Variants in REV3L observed in about 807,000 individuals in gnomAD.
REV3L encodes the protein REV3 like, DNA directed polymerase zeta catalytic subunit, also known as DNA polymerase zeta catalytic subunit.
In REV3L, 69 loss-of-function variants were observed where a neutral mutation model predicts 299.4. The observed-to-expected ratio is 0.23, with a 90% CI of 0.19 to 0.28. The LOEUF (loss-of-function observed/expected upper bound fraction) is 0.28. Ranked by LOEUF, REV3L falls within the 10% of genes least tolerant of loss-of-function variation. The probability of loss-of-function intolerance (pLI) is 1.00; values close to 1 mark genes in which losing one functional copy is unlikely to be tolerated. For synonymous variants in REV3L, 1,238 were observed against 1,271.4 expected, an observed-to-expected ratio of 0.97 and a Z score of 0.56; for missense variants, 3,128 against 3,693.8, an observed-to-expected ratio of 0.85 and a Z score of 3.97.
Position 111,372,861 on chromosome 6 carries a change from C to T in REV3L, c.5494G>A (p.Val1832Met), listed in dbSNP as rs768017978. The change falls in exon 13 of 32, where the codon GTG becomes ATG. Residue 1832 changes from valine (V) to methionine (M), a missense_variant. Physicochemically the swap from Val to Met is conservative, Grantham distance 21 (BLOSUM62 1). Coordinates refer to ENST00000368802, the MANE Select transcript of REV3L (RefSeq NM_001372078.1). ...LSSPDGELVDVACEDLELYVS... is the reference protein window; with the variant it reads ...LSSPDGELVDMACEDLELYVS... ...TACAGTTCTAAATCTTCACAGGCCACGTCTACAAGTTCACCATCAGGGGAG... is the reference window on the plus strand; with the variant it reads ...TACAGTTCTAAATCTTCACAGGCCATGTCTACAAGTTCACCATCAGGGGAG... 7 of 1,614,088 alleles carry T rather than the reference C, an allele frequency of 4.3e-6. No individual in the cohort carries two copies. In the Admixed American group the frequency reaches 5.0e-5, roughly 12 times the overall value.
At position 111,377,744 on chromosome 6, in the gene REV3L, A is replaced by G; in HGVS notation, c.1554T>C (p.Ser518=). Residue 518 remains serine, a synonymous_variant, in exon 12 of 32, where the codon AGT becomes AGC. Coordinates refer to ENST00000368802, the MANE Select transcript of REV3L (RefSeq NM_001372078.1). The stretch of plus-strand genomic sequence containing the variant: ...TTCCATCTAACTGAGGTATAGAAAG[A>G]CTGGCTAGAAGCAAACTGTTATCAC... The part of the protein sequence containing the change: ...EWSDNSLLLA[S]LSIPQLDGTA... 2 of 1,613,954 alleles carry G rather than the reference A, an allele frequency of 1.2e-6. No homozygotes were observed. The highest frequency in any genetic ancestry group is 3.3e-5 in the Admixed American group (2 of 59,990).
At chr6:111,389,473 T>A (rs575644512) in intron 6 of REV3L, among the ~76,000 whole-genome samples, 1 of 152,136 alleles carries the variant, frequency 6.6e-6, no homozygotes, top group South Asian at 2.1e-4. Flanking sequence ...TGCTGATATA[T>A]AATATGAAAA....
At chr6:111,406,352 G>T (rs1186395448) in intron 3 of REV3L, among the ~76,000 whole-genome samples, 1 of 152,192 alleles carries the variant, frequency 6.6e-6, no homozygotes, top group Non-Finnish European at 1.5e-5. Context: ...CAGAGGCAGG[G>T]ATAGAGAAGT....
intron 1 of REV3L, among the ~76,000 whole-genome samples, chr6:111,466,036 T>C (rs1791472348): frequency 6.6e-6 from 1 of 152,184 alleles, no homozygotes. Context: ...AGCTCGAAAC[T>C]TAGCATTTAG....
Position 111,333,227 on chromosome 6 carries a change from G to C in REV3L, c.7821C>G (p.Ser2607Arg), listed in dbSNP as rs780330044. The C allele has an allele frequency of 6.2e-7, 1 of 1,614,046 alleles. No individual in the cohort carries two copies. The highest frequency in any genetic ancestry group is 8.5e-7 in the Non-Finnish European group (1 of 1,180,034). Residue 2607 changes from serine (S) to arginine (R), a missense_variant, in exon 23 of 32, where the codon AGC (serine) becomes AGG (arginine). By Grantham distance (110) the Ser-to-Arg change is moderately radical. Transcript: ENST00000368802. ...LIMEPESRFY[S>R]NSVLVLDFQS... ...GGAAATCCAAAACGAGAACAGAGTT[G>C]CTATAGAAGCGGGATTCAGGCTCCA... is the stretch of plus-strand genomic sequence containing the variant.
upstream of REV3L, chr6:111,483,349 G>A (rs1794013137): frequency 1.4e-5 from 7 of 482,942 alleles, no homozygotes; most frequent in South Asian, 2.1e-4. Context: ...CGGAGGGCGG[G>A]GGCCGAGAAG....
intron 17 of REV3L, among the ~76,000 whole-genome samples, 192 bp from the exon 18 acceptor site, chr6:111,357,317 T>C (rs1002113361): frequency 6.6e-6 from 1 of 152,164 alleles, no homozygotes; most frequent in Non-Finnish European, 1.5e-5. Flanking sequence ...GATTTTTTAG[T>C]TTAATATACA....
At chr6:111,481,427 T>A (rs1185322441) in intron 1 of REV3L, among the ~76,000 whole-genome samples, 1 of 152,212 alleles carries the variant, frequency 6.6e-6, no homozygotes, top group Non-Finnish European at 1.5e-5. Flanking sequence ...AAATTCCCCA[T>A]CTTTCAAGGT....
At chr6:111,361,647 G>T (rs960938367) in intron 16 of REV3L, 4 of 151,998 alleles carry the variant, frequency 2.6e-5, no homozygotes, top group African/African-American at 9.7e-5. Context: ...GAGAGATTTA[G>T]TGAGTGTGAC....
Position 111,376,514 on chromosome 6 carries a change from A to T in REV3L, c.1841T>A (p.Val614Asp). The T allele has an allele frequency of 6.2e-7, 1 of 1,613,024 alleles. No individual in the cohort carries two copies. The change falls in exon 13 of 32, where the codon GTC (valine) becomes GAC (aspartate). Residue 614 changes from valine (V) to aspartate (D), a missense_variant. Physicochemically the swap from Val to Asp is radical, Grantham distance 152. This residue lies in a region of REV3L where 2,409 missense variants were observed against 2,611.8 expected (regional missense o/e 0.92). Coordinates refer to ENST00000368802, the MANE Select transcript of REV3L (RefSeq NM_001372078.1). ...KNTEKGLDNS[V>D]TSFTNESTYS... is the part of the protein sequence containing the mutation. ...AGTGCTTTCGTTTGTAAAAGAAGTG[A>T]CTGAGTTATCTAGACCTTTTTCTGT...
intron 10 of REV3L, among the ~76,000 whole-genome samples, chr6:111,380,962 G>A (rs779987773): frequency 2.1e-4 from 32 of 152,186 alleles, no homozygotes; most frequent in Non-Finnish European, 3.7e-4. Flanking sequence ...AGCCACCCGT[G>A]TTTCCTCCGG....
intron 16 of REV3L, among the ~76,000 whole-genome samples, chr6:111,363,021 T>C (rs550939057): frequency 6.6e-6 from 1 of 152,356 alleles, no homozygotes; most frequent in Admixed American, 6.5e-5. Flanking sequence ...TGAGTTTGTT[T>C]TCTGCATACA....
At chr6:111,357,428 C>T (rs559511604) in intron 17 of REV3L, among the ~76,000 whole-genome samples, 1 of 152,290 alleles carries the variant, frequency 6.6e-6, no homozygotes, top group East Asian at 1.9e-4. Flanking sequence ...TGCAGTGGCT[C>T]ACGCCTGTAA....
At chr6:111,464,022 T>A (rs1290215703) in intron 1 of REV3L, among the ~76,000 whole-genome samples, 1 of 152,044 alleles carries the variant, frequency 6.6e-6, no homozygotes, top group Non-Finnish European at 1.5e-5. Context: ...TTAGCTCCCA[T>A]CACTGATTAA....
intron 20 of REV3L, among the ~76,000 whole-genome samples, chr6:111,347,595 A>AATT (rs1582623634): frequency 1.3e-5 from 2 of 152,198 alleles, no homozygotes; most frequent in East Asian, 3.8e-4. Flanking sequence ...GCAATTGAAG[A>AATT]ATTAGCTTTC....
intron 11 of REV3L, 125 bp downstream of exon 11, chr6:111,379,857 A>T (rs971945264): frequency 2.2e-5 from 15 of 693,612 alleles, no homozygotes; most frequent in South Asian, 1.4e-4. Context: ...ACTAAAGGGG[A>T]ATTTTAAAAC....
At chr6:111,317,726 A>T (rs530017064) in intron 26 of REV3L, among the ~76,000 whole-genome samples, 1 of 152,334 alleles carries the variant, frequency 6.6e-6, no homozygotes, top group African/African-American at 2.4e-5. Flanking sequence ...GCAACTCTGG[A>T]GGCTGAAGTG....
At chr6:111,340,643 G>T (rs2114883874) in intron 21 of REV3L, among the ~76,000 whole-genome samples, 1 of 151,854 alleles carries the variant, frequency 6.6e-6, no homozygotes, top group East Asian at 1.9e-4. Flanking sequence ...AAATCAAAAG[G>T]GGTTACCATA....
chr6:111,300,255 A>C lies in REV3L; in HGVS notation c.9253-99T>G, dbSNP rs556037492. Reference sequence around the variant, plus strand: ...ATCCCTACTTTCTAGACTACCACAGATTACTGGCAGACATACATTACAGAA... The same window carrying C: ...ATCCCTACTTTCTAGACTACCACAGCTTACTGGCAGACATACATTACAGAA... On this transcript the variant is annotated intron_variant, in intron 31 of 31. Coordinates refer to ENST00000368802, the MANE Select transcript of REV3L (RefSeq NM_001372078.1). The C allele has an allele frequency of 3.3e-6, 3 of 897,680 alleles. No individual in the cohort carries two copies. In the Admixed American group the frequency reaches 9.4e-5, roughly 28 times the overall value. The allele number at this position is 897,680 out of a possible 1,614,324, so 55.6% of individuals were successfully genotyped here. A position where few individuals can be genotyped will look rare whatever the true frequency, so the allele number is the denominator to read the frequency against.
Sources: gnomAD v4.1 joint callset for allele counts (sites outside exome capture counted in the v4.1 genomes callset) on GRCh38, gnomAD v4.1.1 for gene constraint, gnomAD v4.1.1 regional missense constraint, MANE v1.5 for transcripts, NCBI Gene and HGNC (gene_info 2026-07-23, HGNC 2026-07-21) for gene names.